Variants in PDSS2 observed in about 807,000 individuals in gnomAD.
PDSS2 encodes the protein all trans-polyprenyl-diphosphate synthase PDSS2.
A neutral mutation model predicts 44.5 loss-of-function variants in PDSS2; 31 were observed. The observed-to-expected ratio is 0.70, with a 90% CI of 0.52 to 0.94. The LOEUF is 0.94. PDSS2 is among the 40% of genes least tolerant of loss of function. PDSS2 has a pLI of 0.00. For synonymous variants in PDSS2, 157 were observed against 180.3 expected, an observed-to-expected ratio of 0.87 and a Z score of 1.03; for missense variants, 452 against 482.2, an observed-to-expected ratio of 0.94 and a Z score of 0.59.
Position 107,167,348 on chromosome 6 carries a change from G to A in PDSS2, c.1042-12571C>T, listed in dbSNP as rs375716797. Among the ~76,000 whole-genome samples the A allele has an allele frequency of 5.3e-5, 8 of 151,686 alleles. No individual in the cohort carries two copies. The South Asian group carries it at 6.3e-4, about 12-fold the overall frequency. ...TATTCCCTTTATCATTTTTTATTGC[G>A]TCTATTTGATTCTTCTCTCTTTTCT... On this transcript the variant is annotated intron_variant, in intron 7 of 7. Transcript: ENST00000369037.
Position 107,391,078 on chromosome 6 carries a change from T to C in PDSS2, c.297-56746A>G, listed in dbSNP as rs530139892. 2.0e-5 allele frequency among the ~76,000 whole-genome samples: 3 copies of C among 151,172 alleles called. No homozygotes were observed. In the South Asian group the frequency reaches 6.3e-4, roughly 32 times the overall value. On this transcript the variant is annotated intron_variant, in intron 1 of 7. Transcript: ENST00000369037. Reference sequence around the variant, plus strand: ...GAGAGGAAATGCAGAAGATGATTTGTGATTAAAAGACTTTTTAATACTTAG... The same window carrying C: ...GAGAGGAAATGCAGAAGATGATTTGCGATTAAAAGACTTTTTAATACTTAG...
chr6:107,280,718 T>G (rs1775932278), intron 2 of PDSS2, among the ~76,000 whole-genome samples: 2 of 152,188 alleles, frequency 1.3e-5, no homozygotes, highest in Admixed American at 1.3e-4. Flanking sequence ...CCCAAATTGT[T>G]ACTTATAATA....
At chr6:107,186,155 G>A (rs529888364) in intron 7 of PDSS2, among the ~76,000 whole-genome samples, 2 of 152,324 alleles carry the variant, frequency 1.3e-5, no homozygotes, top group Middle Eastern at 3.4e-3. Context: ...TACTTTAAGA[G>A]ACAGGGAGAG....
chr6:107,220,976 C>A (rs1321403546), intron 4 of PDSS2, among the ~76,000 whole-genome samples: 1 of 152,192 alleles, frequency 6.6e-6, no homozygotes, highest in Non-Finnish European at 1.5e-5. Context: ...ACATCCAAAT[C>A]AGTACCTTCA....
chr6:107,356,997 G>A (rs1264016864), intron 1 of PDSS2, among the ~76,000 whole-genome samples: 1 of 151,946 alleles, frequency 6.6e-6, no homozygotes, highest in African/African-American at 2.4e-5. Context: ...AAAAAATTCA[G>A]AACACACAAA....
At chr6:107,169,309 G>T (rs1233665568) in intron 7 of PDSS2, among the ~76,000 whole-genome samples, 4 of 152,054 alleles carry the variant, frequency 2.6e-5, no homozygotes, top group African/African-American at 9.7e-5. Context: ...TAGTTCTTGT[G>T]CCATGGTTTT....
intron 3 of PDSS2, among the ~76,000 whole-genome samples, chr6:107,261,641 C>T (rs1323225942): frequency 7.0e-6 from 1 of 143,386 alleles, no homozygotes; most frequent in Non-Finnish European, 1.5e-5. Context: ...TGCAGTGGCG[C>T]AATCTCAGTT....
intron 7 of PDSS2, among the ~76,000 whole-genome samples, chr6:107,183,725 C>T (rs889475171): frequency 1.6e-4 from 25 of 151,952 alleles, no homozygotes; most frequent in African/African-American, 6.0e-4. Flanking sequence ...TGGTGAAACC[C>T]CGTCTCTAAA....
intron 2 of PDSS2, among the ~76,000 whole-genome samples, chr6:107,332,391 C>A (rs1190526440): frequency 2.6e-5 from 4 of 152,140 alleles, no homozygotes; most frequent in Admixed American, 6.5e-5. Flanking sequence ...TGGGCATCAG[C>A]CATCACACCT....
intron 2 of PDSS2, among the ~76,000 whole-genome samples, chr6:107,317,705 T>G (rs1777245081): frequency 6.6e-6 from 1 of 152,256 alleles, no homozygotes; most frequent in Non-Finnish European, 1.5e-5. Flanking sequence ...ATTCATAATT[T>G]ATAACAATAA....
chr6:107,337,049 A>T (rs1582958655), intron 1 of PDSS2, among the ~76,000 whole-genome samples: 1 of 48,362 alleles, frequency 2.1e-5, no homozygotes, highest in Non-Finnish European at 6.2e-5. Context: ...CCACACACAC[A>T]CACACACACA....
chr6:107,294,399 AT>A (rs926020533), intron 2 of PDSS2, among the ~76,000 whole-genome samples: 3 of 150,358 alleles, frequency 2.0e-5, no homozygotes, highest in Non-Finnish European at 4.4e-5. Context: ...ATTCCTCAGA[AT>A]TTTTTTTTTA....
intron 1 of PDSS2, among the ~76,000 whole-genome samples, chr6:107,391,866 G>C (rs1278888473): frequency 6.8e-6 from 1 of 146,902 alleles, no homozygotes; most frequent in Non-Finnish European, 1.5e-5. Flanking sequence ...TTTTTTTTAA[G>C]ACTCAAGCAA....
At chr6:107,374,621 G>C (rs1223718070) in intron 1 of PDSS2, among the ~76,000 whole-genome samples, 1 of 152,248 alleles carries the variant, frequency 6.6e-6, no homozygotes, top group Non-Finnish European at 1.5e-5. Context: ...TGCCATGATA[G>C]TGATTTGCAC....
At chr6:107,169,111 C>A (rs1407830905) in intron 7 of PDSS2, among the ~76,000 whole-genome samples, 3 of 152,004 alleles carry the variant, frequency 2.0e-5, no homozygotes, top group African/African-American at 7.2e-5. Flanking sequence ...CTTTCAGGTA[C>A]ACCAATCAGA....
chr6:107,284,656 C>T (rs961858089), intron 2 of PDSS2, among the ~76,000 whole-genome samples: 24 of 112,864 alleles, frequency 2.1e-4, no homozygotes, highest in Non-Finnish European at 3.6e-4. Context: ...AGAAAGACTT[C>T]GTCTCCAAAA....
At chr6:107,231,777 C>A (rs1307839289) in intron 4 of PDSS2, among the ~76,000 whole-genome samples, 2 of 152,114 alleles carry the variant, frequency 1.3e-5, no homozygotes, top group African/African-American at 4.8e-5. Context: ...GGCTGACCAA[C>A]ATGGTGAAAC....
chr6:107,343,056 T>A (rs1410053292), intron 1 of PDSS2, among the ~76,000 whole-genome samples: 3 of 152,198 alleles, frequency 2.0e-5, no homozygotes, highest in Admixed American at 1.3e-4. Context: ...GCTTAAGTGA[T>A]CCTCTCGCCT....
At chr6:107,350,965 G>C (rs2115333782) in intron 1 of PDSS2, among the ~76,000 whole-genome samples, 1 of 151,918 alleles carries the variant, frequency 6.6e-6, no homozygotes, top group East Asian at 1.9e-4. Context: ...TTAAAAAGAT[G>C]ATGCAAAATA....
Sources: gnomAD v4.1 joint callset for allele counts (sites outside exome capture counted in the v4.1 genomes callset) on GRCh38, gnomAD v4.1.1 for gene constraint, MANE v1.5 for transcripts, NCBI Gene and HGNC (gene_info 2026-07-23, HGNC 2026-07-21) for gene names.